Variants in C13orf42 observed in about 807,000 individuals in gnomAD.
C13orf42 encodes the protein uncharacterized protein C13orf42.
intron 1 of C13orf42, among the ~76,000 whole-genome samples, chr13:51,120,804 A>C (rs930322999): frequency 1.3e-5 from 2 of 152,166 alleles, no homozygotes; most frequent in Non-Finnish European, 2.9e-5. Context: ...ACTTGAGGTC[A>C]GGGGTTCAAG....
At chr13:51,145,131 T>A (rs1195606224) in intron 1 of C13orf42, among the ~76,000 whole-genome samples, 3 of 113,352 alleles carry the variant, frequency 2.6e-5, no homozygotes, top group Non-Finnish European at 5.7e-5. Flanking sequence ...ATGTTTTCAA[T>A]TTTTTTTCCT....
chr13:51,128,191 GC>G (rs1207858715), intron 1 of C13orf42, among the ~76,000 whole-genome samples: 1 of 152,196 alleles, frequency 6.6e-6, no homozygotes, highest in Non-Finnish European at 1.5e-5. Flanking sequence ...TGGGCAACTA[GC>G]AGCCCTTGGG....
In C13orf42 at chr13:51,085,522, G is replaced by A. The variant is rs1593526108; in HGVS notation, c.600C>T (p.Asn200=). 1 of 398,708 alleles carries A rather than the reference G, an allele frequency of 2.5e-6. No homozygotes were observed. The highest frequency in any genetic ancestry group is 4.4e-6 in the Non-Finnish European group (1 of 226,126). The allele number at this position is 398,708 out of a possible 1,614,324, so 24.7% of individuals were successfully genotyped here. ...TSSREHSLHS[N]WILRAPRRHS... ...GTCTGCGCGGTGCCCGCAGGATCCA[G>A]TTAGAATGCAAGCTGTGCTCCCTGG... The change falls in exon 3 of 4, where the codon AAC becomes AAT. Residue 200 remains asparagine, a synonymous_variant. Coordinates refer to ENST00000563710, the MANE Select transcript of C13orf42 (RefSeq NM_001351589.3).
chr13:51,164,952 T>C (rs944386575), intron 1 of C13orf42, among the ~76,000 whole-genome samples: 6 of 152,226 alleles, frequency 3.9e-5, no homozygotes, highest in East Asian at 1.9e-4. Flanking sequence ...CAAGTTGAGA[T>C]GTCCATAAGC....
chr13:51,110,477 C>G (rs1953415241), intron 1 of C13orf42, among the ~76,000 whole-genome samples: 1 of 152,182 alleles, frequency 6.6e-6, no homozygotes, highest in East Asian at 1.9e-4. Flanking sequence ...CAATCAGGCA[C>G]TATGCTTATT....
At chr13:51,090,253 T>C (rs2137978227) in intron 1 of C13orf42, among the ~76,000 whole-genome samples, 2 of 152,338 alleles carry the variant, frequency 1.3e-5, no homozygotes, top group East Asian at 3.9e-4. Context: ...CATTGAATCT[T>C]GGCTGGAACT....
At chr13:51,141,123 T>TGTGTGTGTGTGTGTGTGTGG (rs1953693183) in intron 1 of C13orf42, among the ~76,000 whole-genome samples, 1 of 151,076 alleles carries the variant, frequency 6.6e-6, no homozygotes, top group African/African-American at 2.4e-5. Flanking sequence ...TGTGTGTGTG[T>TGTGTGTGTGTGTGTGTGTGG]GTGTGTGTGT....
At chr13:51,091,504 C>G (rs1953180183) in intron 1 of C13orf42, among the ~76,000 whole-genome samples, 1 of 152,148 alleles carries the variant, frequency 6.6e-6, no homozygotes. Flanking sequence ...CCCCTTGACC[C>G]AGTCTGAGAT....
chr13:51,126,702 G>A (rs1395073351), intron 1 of C13orf42, among the ~76,000 whole-genome samples: 1 of 152,214 alleles, frequency 6.6e-6, no homozygotes, highest in Non-Finnish European at 1.5e-5. Context: ...CCCAAGGACT[G>A]AGGGCCAGGG....
intron 1 of C13orf42, among the ~76,000 whole-genome samples, chr13:51,117,587 G>A (rs1424499781): frequency 6.6e-6 from 1 of 152,168 alleles, no homozygotes; most frequent in Admixed American, 6.5e-5. Context: ...AGAAGGCTGA[G>A]ACTGATGGTA....
intron 1 of C13orf42, among the ~76,000 whole-genome samples, chr13:51,091,730 G>C (rs1399530307): frequency 6.6e-6 from 1 of 152,132 alleles, no homozygotes; most frequent in Admixed American, 6.6e-5. Flanking sequence ...AGGGGAGACA[G>C]CAAAGGGGCC....
At chr13:51,111,400 A>G (rs1355236484), upstream of C13orf42, among the ~76,000 whole-genome samples, 1 of 152,112 alleles carries the variant, frequency 6.6e-6, no homozygotes, top group Non-Finnish European at 1.5e-5. Flanking sequence ...GGGGATGTTT[A>G]CATCCTATAA....
intron 1 of C13orf42, among the ~76,000 whole-genome samples, chr13:51,094,504 A>G (rs1324971405): frequency 1.3e-5 from 2 of 152,162 alleles, no homozygotes; most frequent in African/African-American, 4.8e-5. Context: ...GCTTTAGACA[A>G]TTAGTTACAA....
intron 1 of C13orf42, among the ~76,000 whole-genome samples, chr13:51,127,936 C>T (rs7336540): frequency 7.0e-4 from 107 of 152,176 alleles, no homozygotes; most frequent in African/African-American, 2.5e-3. Context: ...GATAGGAGGT[C>T]GGCACAAGAT....
intron 1 of C13orf42, among the ~76,000 whole-genome samples, chr13:51,171,059 G>T (rs1310087552): frequency 6.6e-6 from 1 of 151,760 alleles, no homozygotes; most frequent in Non-Finnish European, 1.5e-5. Context: ...TGCTTTTCTG[G>T]AGGGCAAGAA....
chr13:51,085,443 T>C lies in C13orf42; in HGVS notation c.679A>G (p.Arg227Gly), dbSNP rs1054373236. The C allele has an allele frequency of 1.3e-5, 5 of 398,504 alleles. No individual in the cohort carries two copies. The highest frequency in any genetic ancestry group is 6.2e-4 in the Middle Eastern group (1 of 1,610). 24.7% of individuals were successfully genotyped at this position (398,504 alleles called of 1,614,324 possible). ...TVHTVDGQFR[R>G]STEHRTVGTQ... The stretch of plus-strand genomic sequence containing the variant: ...CCCACGGTCCTGTGCTCGGTGCTCC[T>C]TCGAAACTGGCCGTCTACAGTATGC... Residue 227 changes from arginine to glycine, a missense_variant, in exon 3 of 4, where the codon AGG becomes GGG. By Grantham distance (125) the Arg-to-Gly change is moderately radical. Transcript: ENST00000563710.
intron 1 of C13orf42, among the ~76,000 whole-genome samples, chr13:51,091,494 C>T (rs911889721): frequency 1.4e-4 from 21 of 152,178 alleles, no homozygotes; most frequent in Admixed American, 5.9e-4. Flanking sequence ...GCCTTCCCTG[C>T]CCCTTGACCC....
intron 1 of C13orf42, among the ~76,000 whole-genome samples, chr13:51,091,717 C>T (rs1454046548): frequency 1.3e-5 from 2 of 152,130 alleles, no homozygotes; most frequent in Non-Finnish European, 2.9e-5. Context: ...GGGACCCGAA[C>T]ATAGGGGAGA....
At chr13:51,112,828 T>C (rs1428777444), upstream of C13orf42, among the ~76,000 whole-genome samples, 9 of 152,178 alleles carry the variant, frequency 5.9e-5, no homozygotes, top group Non-Finnish European at 8.8e-5. Context: ...TTCCAGCCCA[T>C]TATGCTGGTC....
Sources: allele counts gnomAD v4.1 joint callset (sites outside exome capture counted in the v4.1 genomes callset), GRCh38; gene constraint gnomAD v4.1.1; transcripts MANE v1.5; gene names NCBI Gene and HGNC (gene_info 2026-07-23, HGNC 2026-07-21).